The following SLC24A4 variants were observed in gnomAD, a reference collection of about 807,000 sequenced individuals.
The protein encoded by SLC24A4 is sodium/potassium/calcium exchanger 4.
Under a neutral mutation model 79.0 loss-of-function variants are expected in SLC24A4, and 53 were observed. That is an observed-to-expected ratio of 0.67 (90% CI 0.54 to 0.84). The LOEUF is 0.84. Ranked by LOEUF, SLC24A4 falls within the 40% of genes least tolerant of loss-of-function variation. The pLI, the probability that SLC24A4 is intolerant of heterozygous loss-of-function variation, is 0.00. For synonymous variants in SLC24A4, 323 were observed against 323.8 expected, an observed-to-expected ratio of 1.00 and a Z score of 0.03; for missense variants, 731 against 822.0, an observed-to-expected ratio of 0.89 and a Z score of 1.35.
intron 2 of SLC24A4, among the ~76,000 whole-genome samples, chr14:92,395,294 T>C (rs61975653): frequency 0.069 from 10,546 of 152,222 alleles, 513 homozygotes; most frequent in Non-Finnish European, 0.097. Flanking sequence ...CCAAGCTCCC[T>C]AGCCCCGTTG....
intron 2 of SLC24A4, among the ~76,000 whole-genome samples, chr14:92,392,513 CGT>C (rs1306758117): frequency 6.6e-6 from 1 of 152,000 alleles, no homozygotes; most frequent in Non-Finnish European, 1.5e-5. Context: ...ATCTCTGCAT[CGT>C]GGCGGCTAGA....
intron 2 of SLC24A4, among the ~76,000 whole-genome samples, chr14:92,339,674 G>T (rs1022803304): frequency 9.2e-5 from 14 of 152,214 alleles, no homozygotes; most frequent in Admixed American, 4.6e-4. Flanking sequence ...TGTAATGTAC[G>T]TTGGAACCAA....
chr14:92,467,232 C>A (rs181206707), intron 12 of SLC24A4, among the ~76,000 whole-genome samples: 160 of 152,316 alleles, frequency 1.1e-3, no homozygotes, highest in African/African-American at 3.7e-3. Flanking sequence ...TCCAAGAATG[C>A]AAGGTTGGTT....
At chr14:92,458,524 G>C (rs1893617557) in intron 12 of SLC24A4, among the ~76,000 whole-genome samples, 1 of 152,224 alleles carries the variant, frequency 6.6e-6, no homozygotes, top group Non-Finnish European at 1.5e-5. Context: ...GGGACATGAA[G>C]AGCAGGAGGG....
chr14:92,370,394 G>T (rs1027722113), intron 2 of SLC24A4, among the ~76,000 whole-genome samples: 1 of 152,166 alleles, frequency 6.6e-6, no homozygotes, highest in Non-Finnish European at 1.5e-5. Flanking sequence ...TTCCCAAACA[G>T]ATGTAAAAGG....
At chr14:92,466,582 C>G (rs985600405) in intron 12 of SLC24A4, among the ~76,000 whole-genome samples, 2 of 152,166 alleles carry the variant, frequency 1.3e-5, no homozygotes, top group Non-Finnish European at 2.9e-5. Context: ...GATTCTAAAG[C>G]TTATTCACCC....
At chr14:92,438,227 G>T (rs1002643083) in intron 3 of SLC24A4, among the ~76,000 whole-genome samples, 4 of 152,160 alleles carry the variant, frequency 2.6e-5, no homozygotes, top group Admixed American at 2.6e-4. Flanking sequence ...CGCTCTTTGC[G>T]CTCAATTAAT....
intron 9 of SLC24A4, 141 bp from the exon 10 acceptor site, chr14:92,448,933 G>C: frequency 2.1e-6 from 2 of 968,622 alleles, no homozygotes; most frequent in South Asian, 3.3e-5. Context: ...CAGTTGAAAA[G>C]CTGAGGCTCC....
intron 12 of SLC24A4, among the ~76,000 whole-genome samples, chr14:92,477,681 C>G (rs1894843754): frequency 6.6e-6 from 1 of 152,194 alleles, no homozygotes; most frequent in Non-Finnish European, 1.5e-5. Flanking sequence ...TCTTGAACTC[C>G]TGGCCTCAAC....
intron 2 of SLC24A4, among the ~76,000 whole-genome samples, chr14:92,401,589 A>G (rs1237918434): frequency 6.6e-6 from 1 of 152,178 alleles, no homozygotes; most frequent in African/African-American, 2.4e-5. Flanking sequence ...TTGGAAGACT[A>G]TTCCCCTGAG....
At chr14:92,376,118 G>A (rs544691983) in intron 2 of SLC24A4, among the ~76,000 whole-genome samples, 2 of 136,436 alleles carry the variant, frequency 1.5e-5, no homozygotes, top group African/African-American at 3.3e-5. Context: ...ATCTGCAAGT[G>A]CGTGTTCCAA....
intron 15 of SLC24A4, 25 bp from the exon 16 acceptor site, chr14:92,492,150 A>G: frequency 6.2e-7 from 1 of 1,604,930 alleles, no homozygotes; most frequent in Middle Eastern, 1.8e-4. Flanking sequence ...CAAGAGACTC[A>G]GGGCACGTGT....
At chr14:92,390,288 T>A (rs1391788057) in intron 2 of SLC24A4, among the ~76,000 whole-genome samples, 2 of 151,978 alleles carry the variant, frequency 1.3e-5, no homozygotes, top group Non-Finnish European at 2.9e-5. Context: ...ACCCACGCCA[T>A]CTCGCCTGCA....
intron 2 of SLC24A4, among the ~76,000 whole-genome samples, chr14:92,387,365 C>T (rs982077394): frequency 3.3e-5 from 5 of 151,818 alleles, no homozygotes; most frequent in Admixed American, 6.6e-5. Flanking sequence ...TTAGTAGAGA[C>T]GGGGTTTTGC....
chr14:92,459,094 G>GGCTGTCC (rs1217058837), intron 12 of SLC24A4, among the ~76,000 whole-genome samples: 1 of 152,218 alleles, frequency 6.6e-6, no homozygotes, highest in Non-Finnish European at 1.5e-5. Context: ...CTGGTATCAA[G>GGCTGTCC]GCTGTCCACT....
chr14:92,364,087 T>C (rs1163170009), intron 2 of SLC24A4, among the ~76,000 whole-genome samples: 5 of 152,198 alleles, frequency 3.3e-5, no homozygotes, highest in African/African-American at 4.8e-5. Flanking sequence ...ACCAGAAGCA[T>C]TCCCCCCACT....
At chr14:92,486,984 A>T (rs1009517257) in intron 14 of SLC24A4, among the ~76,000 whole-genome samples, 6 of 152,132 alleles carry the variant, frequency 3.9e-5, no homozygotes, top group African/African-American at 1.4e-4. Context: ...ACTCCTCCAG[A>T]CCTCTATCTA....
chr14:92,333,476 T>G (rs575388967), intron 2 of SLC24A4, among the ~76,000 whole-genome samples: 41 of 152,292 alleles, frequency 2.7e-4, no homozygotes, highest in Non-Finnish European at 4.4e-4. Context: ...CTGTGCCCCA[T>G]GTTAAAAAAG....
intron 2 of SLC24A4, among the ~76,000 whole-genome samples, chr14:92,335,318 G>T (rs1885722190): frequency 6.6e-6 from 1 of 151,722 alleles, no homozygotes; most frequent in Non-Finnish European, 1.5e-5. Flanking sequence ...CTTCCTCTTT[G>T]TGTGACACAT....
Sources: gnomAD v4.1 joint callset for allele counts (sites outside exome capture counted in the v4.1 genomes callset) on GRCh38, gnomAD v4.1.1 for gene constraint, MANE v1.5 for transcripts, NCBI Gene and HGNC (gene_info 2026-07-23, HGNC 2026-07-21) for gene names.